UBE2E2: variants seen among roughly 807,000 people sequenced by gnomAD.
UBE2E2 encodes ubiquitin conjugating enzyme E2 E2.
Under a neutral mutation model 24.7 loss-of-function variants are expected in UBE2E2, and 6 were observed. The ratio of observed to expected loss-of-function variants is 0.24; its 90% CI spans 0.13 to 0.48. The LOEUF is 0.48. Among genes scored for constraint, UBE2E2 ranks in the 20% least tolerant of loss-of-function variants. The pLI is 0.99. For synonymous variants in UBE2E2, 104 were observed against 83.6 expected (o/e 1.24, Z -1.33); for missense variants, 169 against 245.0 (o/e 0.69, Z 2.07).
chr3:23,452,801 T>C (rs1295036918), intron 3 of UBE2E2, among the ~76,000 whole-genome samples: 1 of 152,106 alleles, frequency 6.6e-6, no homozygotes, highest in Non-Finnish European at 1.5e-5. Context: ...TGAAGGACCA[T>C]AATTTACTAC....
At chr3:23,267,240 C>A (rs2125359029) in intron 3 of UBE2E2, among the ~76,000 whole-genome samples, 2 of 151,078 alleles carry the variant, frequency 1.3e-5, no homozygotes, top group South Asian at 4.2e-4. Flanking sequence ...CACAAAAAAC[C>A]CTTCAAAAAA....
Position 23,366,535 on chromosome 3 carries a change from A to T in UBE2E2, c.228-133073A>T, listed in dbSNP as rs142708636. 1.5e-4 allele frequency among the ~76,000 whole-genome samples: 23 copies of T among 152,304 alleles called. 2 individuals are homozygous for T. In the East Asian group the frequency reaches 4.4e-3, roughly 29 times the overall value. ...ATGGAGCTGAAAGCCATGATGCCCC[A>T]TGTTCTCTCTTACAGGTCAGAGGTA... On this transcript the variant is annotated intron_variant, in intron 3 of 5. Transcript: ENST00000396703.
intron 4 of UBE2E2, among the ~76,000 whole-genome samples, chr3:23,522,884 T>C (rs1694901310): frequency 6.6e-6 from 1 of 151,972 alleles, no homozygotes; most frequent in Non-Finnish European, 1.5e-5. Flanking sequence ...ATGGGACTTC[T>C]ATAGAAAGAA....
At chr3:23,421,450 C>T (rs1332035858) in intron 3 of UBE2E2, among the ~76,000 whole-genome samples, 1 of 152,200 alleles carries the variant, frequency 6.6e-6, no homozygotes, top group Admixed American at 6.5e-5. Flanking sequence ...ATGTCTGTTG[C>T]AGCAACATGG....
At chr3:23,575,478 A>T (rs1219222074) in intron 5 of UBE2E2, among the ~76,000 whole-genome samples, 2 of 152,166 alleles carry the variant, frequency 1.3e-5, no homozygotes, top group Non-Finnish European at 2.9e-5. Context: ...GTGTTCCTTC[A>T]TATTAGAAAA....
chr3:23,405,260 T>G (rs1352404903), intron 3 of UBE2E2, among the ~76,000 whole-genome samples: 1 of 152,206 alleles, frequency 6.6e-6, no homozygotes, highest in Admixed American at 6.5e-5. Context: ...TCTGAGCCTT[T>G]GTATCATTTT....
chr3:23,559,223 G>A (rs1191191033), intron 5 of UBE2E2, among the ~76,000 whole-genome samples: 1 of 152,106 alleles, frequency 6.6e-6, no homozygotes, highest in African/African-American at 2.4e-5. Flanking sequence ...ATTACAAATT[G>A]AGAGTTGGCT....
intron 4 of UBE2E2, among the ~76,000 whole-genome samples, chr3:23,521,494 A>G (rs1248256975): frequency 6.6e-6 from 1 of 152,214 alleles, no homozygotes; most frequent in Non-Finnish European, 1.5e-5. Flanking sequence ...CTGTTAAATT[A>G]TCTTCTGTGG....
intron 5 of UBE2E2, among the ~76,000 whole-genome samples, chr3:23,550,218 AT>A (rs1695612229): frequency 6.6e-6 from 1 of 152,160 alleles, no homozygotes; most frequent in Admixed American, 6.5e-5. Context: ...TATTTTTATA[AT>A]CTAGATAACT....
chr3:23,236,270 G>T (rs1697109821), intron 3 of UBE2E2, among the ~76,000 whole-genome samples: 1 of 152,134 alleles, frequency 6.6e-6, no homozygotes, highest in Non-Finnish European at 1.5e-5. Context: ...CACCGGGAAA[G>T]TAATAAGTAA....
At chr3:23,371,526 T>A (rs997735894) in intron 3 of UBE2E2, among the ~76,000 whole-genome samples, 2 of 152,120 alleles carry the variant, frequency 1.3e-5, no homozygotes, top group African/African-American at 4.8e-5. Context: ...ATCCTTGAAA[T>A]AAGAGTGGCT....
intron 5 of UBE2E2, among the ~76,000 whole-genome samples, chr3:23,544,595 T>C (rs1695474440): frequency 6.6e-6 from 1 of 152,168 alleles, no homozygotes; most frequent in Non-Finnish European, 1.5e-5. Context: ...TGTACACTGC[T>C]GGTGGGAATG....
At chr3:23,293,529 T>G (rs1698826628) in intron 3 of UBE2E2, among the ~76,000 whole-genome samples, 1 of 152,164 alleles carries the variant, frequency 6.6e-6, no homozygotes, top group South Asian at 2.1e-4. Context: ...GTTAAAAAAA[T>G]GAGAGCAAAC....
intron 3 of UBE2E2, among the ~76,000 whole-genome samples, chr3:23,364,055 A>C (rs1420184922): frequency 6.6e-6 from 1 of 152,180 alleles, no homozygotes; most frequent in African/African-American, 2.4e-5. Context: ...TTGGGTAAAC[A>C]ATGAAATTAA....
intron 5 of UBE2E2, among the ~76,000 whole-genome samples, chr3:23,544,555 T>C (rs1695472866): frequency 1.3e-5 from 2 of 152,190 alleles, no homozygotes; most frequent in Admixed American, 6.5e-5. Context: ...ACAGTAGATA[T>C]TGGTGTGGAT....
At chr3:23,364,662 C>G (rs1696209498) in intron 3 of UBE2E2, among the ~76,000 whole-genome samples, 1 of 152,110 alleles carries the variant, frequency 6.6e-6, no homozygotes, top group South Asian at 2.1e-4. Context: ...ATCCCAGGAC[C>G]AGACAGATTC....
chr3:23,359,796 G>T (rs1696062839), intron 3 of UBE2E2, among the ~76,000 whole-genome samples: 1 of 152,138 alleles, frequency 6.6e-6, no homozygotes, highest in Non-Finnish European at 1.5e-5. Flanking sequence ...GAATTCCAGT[G>T]TACTCAGACA....
intron 3 of UBE2E2, among the ~76,000 whole-genome samples, chr3:23,306,331 G>T (rs1333517569): frequency 6.6e-6 from 1 of 152,114 alleles, no homozygotes; most frequent in African/African-American, 2.4e-5. Context: ...ATAGGCCTCC[G>T]TGGAAAGAAA....
At chr3:23,482,639 C>T (rs1230684572) in intron 3 of UBE2E2, among the ~76,000 whole-genome samples, 1 of 152,162 alleles carries the variant, frequency 6.6e-6, no homozygotes, top group Non-Finnish European at 1.5e-5. Context: ...AAATCTGTGC[C>T]TGTCATTGAC....
Sources: allele counts gnomAD v4.1 joint callset (sites outside exome capture counted in the v4.1 genomes callset), GRCh38; gene constraint gnomAD v4.1.1; transcripts MANE v1.5; gene names NCBI Gene and HGNC (gene_info 2026-07-23, HGNC 2026-07-21).